RBFOX1: variants seen among roughly 807,000 people sequenced by gnomAD.
RBFOX1 encodes the protein RNA binding fox-1 homolog 1, also known as RNA binding protein fox-1 homolog 1.
RBFOX1 carries 8 observed loss-of-function variants against 57.7 expected under a neutral mutation model. The observed-to-expected ratio is 0.14, with a 90% CI of 0.08 to 0.25. The LOEUF is 0.25. RBFOX1 is among the 10% of genes least tolerant of loss of function. The pLI, the probability that RBFOX1 is intolerant of heterozygous loss-of-function variation, is 1.00. For synonymous variants in RBFOX1, 326 were observed against 222.4 expected, an observed-to-expected ratio of 1.47 and a Z score of -4.15; for missense variants, 611 against 548.5, an observed-to-expected ratio of 1.11 and a Z score of -1.14.
At chr16:5,801,820 G>T (rs905319764) in intron 3 of RBFOX1, among the ~76,000 whole-genome samples, 1 of 152,078 alleles carries the variant, frequency 6.6e-6, no homozygotes. Flanking sequence ...CAAAATTATC[G>T]CCTAGCATCA....
chr16:5,524,228 T>G (rs1197401329), intron 2 of RBFOX1, among the ~76,000 whole-genome samples: 2 of 152,184 alleles, frequency 1.3e-5, no homozygotes, highest in Non-Finnish European at 2.9e-5. Context: ...GTGCTCTACG[T>G]GCAAACCAGA....
intron 1 of RBFOX1, among the ~76,000 whole-genome samples, chr16:6,270,679 GAA>G (rs2075105529): frequency 6.6e-6 from 1 of 152,108 alleles, no homozygotes; most frequent in Non-Finnish European, 1.5e-5. Context: ...AAACTAGACT[GAA>G]AATCAGAAGG....
In RBFOX1 at chr16:7,463,381, G is replaced by A. The variant is rs556905248; in HGVS notation, c.28-54766G>A. Among the ~76,000 whole-genome samples, 41 of 152,294 alleles carry A rather than the reference G, an allele frequency of 2.7e-4. 1 individual carries two copies. Among genetic ancestry groups the A allele is most frequent in the Middle Eastern group, 3.4e-3 (1 of 294 alleles). ...TAGCTGGGTGTGATTGTGGGTGCCT[G>A]TAATCTCCGATACTCGGGAGGCTGA... On this transcript the variant is annotated intron_variant, in intron 4 of 15. Coordinates refer to ENST00000550418, the MANE Select transcript of RBFOX1 (RefSeq NM_018723.4).
chr16:5,933,035 G>A (rs1482745191), intron 4 of RBFOX1, among the ~76,000 whole-genome samples: 1 of 152,228 alleles, frequency 6.6e-6, no homozygotes, highest in Non-Finnish European at 1.5e-5. Context: ...AAAGCCCAGA[G>A]CCGAGGAAGC....
At chr16:6,016,572 C>G (rs528601602), upstream of RBFOX1, among the ~76,000 whole-genome samples, 269 of 152,320 alleles carry the variant, frequency 1.8e-3, 2 homozygotes, top group African/African-American at 6.0e-3. Flanking sequence ...AGAGAGCTCT[C>G]AGCCAAGCAC....
intron 4 of RBFOX1, among the ~76,000 whole-genome samples, chr16:6,008,145 C>T (rs2094938274): frequency 1.3e-5 from 2 of 152,096 alleles, no homozygotes; most frequent in South Asian, 4.2e-4. Flanking sequence ...GCAGAGGTTG[C>T]AGTGAGTCGA....
chr16:6,187,087 G>T (rs796771512), intron 1 of RBFOX1, among the ~76,000 whole-genome samples: 10 of 152,246 alleles, frequency 6.6e-5, no homozygotes, highest in African/African-American at 2.2e-4. Flanking sequence ...CAGTAGAGGG[G>T]ATGCAACACT....
intron 3 of RBFOX1, among the ~76,000 whole-genome samples, chr16:6,870,148 A>T (rs1268008257): frequency 6.6e-6 from 1 of 152,130 alleles, no homozygotes; most frequent in East Asian, 1.9e-4. Flanking sequence ...CCTAGTTTTC[A>T]CAGGATGGTG....
Position 5,955,732 on chromosome 16 carries a change from C to G in RBFOX1, c.351+88397C>G, listed in dbSNP as rs2059624884. ...ATATAAATTAAGCTTACAGATATTT[C>G]TAATACACAAAATGGAAATATTAGT... On this transcript the variant is annotated intron_variant, in intron 4 of 19. Coordinates refer to the RBFOX1 transcript ENST00000641259. Among the ~76,000 whole-genome samples the G allele has an allele frequency of 2.0e-5, 3 of 152,050 alleles. No individual in the cohort carries two copies. In the South Asian group the frequency reaches 6.2e-4, roughly 32 times the overall value.
chr16:5,887,690 C>T (rs2057934346), intron 4 of RBFOX1, among the ~76,000 whole-genome samples: 1 of 152,162 alleles, frequency 6.6e-6, no homozygotes, highest in South Asian at 2.1e-4. Context: ...AGATGTGAGC[C>T]ACCATACCTG....
chr16:5,916,349 C>T (rs1331728033), intron 4 of RBFOX1, among the ~76,000 whole-genome samples: 1 of 152,142 alleles, frequency 6.6e-6, no homozygotes, highest in Non-Finnish European at 1.5e-5. Context: ...TGTCTATCAG[C>T]TTGTATTAAT....
In RBFOX1 at chr16:6,427,955, C is replaced by T. The variant is rs905350828; in HGVS notation, c.-64+110898C>T. Reference sequence around the variant, plus strand: ...ATAATTTATAGTATTGCTGTGAGGGCTCAGGAGTTAATGCATGAAAGCACT... The same window carrying T: ...ATAATTTATAGTATTGCTGTGAGGGTTCAGGAGTTAATGCATGAAAGCACT... On this transcript the variant is annotated intron_variant, in intron 2 of 15. Transcript: ENST00000550418. 4.6e-5 allele frequency among the ~76,000 whole-genome samples: 7 copies of T among 152,022 alleles called. No homozygotes were observed. The East Asian group carries it at 1.4e-3, about 29-fold the overall frequency.
At position 5,702,350 on chromosome 16, in the gene RBFOX1, C is replaced by T. The variant is rs75991711; in HGVS notation, c.318+103389C>T. ...ATCAGATCTCGTGAGAACTCACTCA[C>T]TATCATGAGATAACAGCAAGGGAGA... On this transcript the variant is annotated intron_variant, in intron 3 of 19. Transcript: ENST00000641259. Among the ~76,000 whole-genome samples the T allele has an allele frequency of 5.8e-4, 89 of 152,316 alleles. 1 individual carries two copies. The East Asian group carries it at 0.011, about 18-fold the overall frequency.
intron 3 of RBFOX1, among the ~76,000 whole-genome samples, chr16:6,706,472 C>T (rs1012294479): frequency 2.6e-5 from 4 of 152,198 alleles, no homozygotes; most frequent in Non-Finnish European, 5.9e-5. Context: ...CCCTGTAGGA[C>T]AGCCTGATGG....
chr16:6,981,575 C>G (rs1305548254), intron 3 of RBFOX1, among the ~76,000 whole-genome samples: 3 of 152,108 alleles, frequency 2.0e-5, no homozygotes, highest in African/African-American at 4.8e-5. Context: ...ACTGACAGTT[C>G]CACGTGGCTG....
intron 4 of RBFOX1, among the ~76,000 whole-genome samples, chr16:7,257,283 T>G (rs2094728938): frequency 2.6e-5 from 4 of 152,134 alleles, no homozygotes; most frequent in Non-Finnish European, 5.9e-5. Flanking sequence ...AGAGTATCAT[T>G]TCTTTCCCAG....
chr16:7,353,539 C>A (rs1029990813), intron 4 of RBFOX1, among the ~76,000 whole-genome samples: 4 of 152,018 alleles, frequency 2.6e-5, no homozygotes, highest in Non-Finnish European at 5.9e-5. Context: ...TTCATAGTAA[C>A]CAAAGCATGG....
intron 2 of RBFOX1, among the ~76,000 whole-genome samples, chr16:6,579,953 G>T (rs2097510829): frequency 6.6e-6 from 1 of 151,638 alleles, no homozygotes; most frequent in African/African-American, 2.4e-5. Flanking sequence ...TCTTTTTTTT[G>T]TTGTTTTTTC....
chr16:5,335,841 A>C (rs1253110741), intron 1 of RBFOX1, among the ~76,000 whole-genome samples: 2 of 152,106 alleles, frequency 1.3e-5, no homozygotes, highest in Non-Finnish European at 2.9e-5. Context: ...CTATCAAAAG[A>C]TGTTCTCAGA....
Sources: gnomAD v4.1 joint callset for allele counts (sites outside exome capture counted in the v4.1 genomes callset) on GRCh38, gnomAD v4.1.1 for gene constraint, MANE v1.5 for transcripts, NCBI Gene and HGNC (gene_info 2026-07-23, HGNC 2026-07-21) for gene names.